Variants in GALK2 observed in about 807,000 individuals in gnomAD.
The protein encoded by GALK2 is N-acetylgalactosamine kinase.
A neutral mutation model predicts 52.4 loss-of-function variants in GALK2; 36 were observed. The observed-to-expected ratio is 0.69, with a 90% CI of 0.53 to 0.91. The LOEUF (loss-of-function observed/expected upper bound fraction) is 0.91. GALK2 is among the 40% of genes least tolerant of loss of function. The pLI, the probability that GALK2 is intolerant of heterozygous loss-of-function variation, is 0.00. For missense variants in GALK2, 579 were observed against 559.1 expected (o/e 1.04, Z -0.36); for synonymous variants, 176 against 199.1 (o/e 0.88, Z 0.98).
At chr15:49,362,419 T>C (rs1432336672) in intron 3 of GALK2, among the ~76,000 whole-genome samples, 1 of 152,216 alleles carries the variant, frequency 6.6e-6, no homozygotes, top group Non-Finnish European at 1.5e-5. Flanking sequence ...CCTGCAGAAC[T>C]GTGAGTCAGT....
Position 49,249,945 on chromosome 15 carries a change from CTT to C in GALK2, c.504+10581_504+10582del, listed in dbSNP as rs201253373. Reference sequence around the variant, plus strand: ...CCTTTGTTCTCGTCTGCCCGTGCCTCTTTTAAAAAGTTCTAAGTTGCTAGCCA... The same window carrying C: ...CCTTTGTTCTCGTCTGCCCGTGCCTCTTAAAAAGTTCTAAGTTGCTAGCCA... On this transcript the variant is annotated intron_variant, in intron 5 of 9. Transcript: ENST00000560031. Among the ~76,000 whole-genome samples the C allele has an allele frequency of 6.4e-3, 970 of 152,246 alleles. 17 individuals are homozygous for C. The highest frequency in any genetic ancestry group is 0.022 in the African/African-American group (933 of 41,548).
chr15:49,211,202 A>G (rs1254830921), intron 2 of GALK2, among the ~76,000 whole-genome samples: 2 of 152,100 alleles, frequency 1.3e-5, no homozygotes, highest in African/African-American at 4.8e-5. Context: ...CATCACTCTC[A>G]AGTTCAAAGT....
chr15:49,263,761 C>CTT (rs1489029166), intron 5 of GALK2, among the ~76,000 whole-genome samples: 1,386 of 121,780 alleles, frequency 0.011, 144 homozygotes, highest in Non-Finnish European at 0.017. Flanking sequence ...GTAAGGCAGG[C>CTT]CTGTTGGTGA....
At chr15:49,262,597 T>G (rs1188827820) in intron 5 of GALK2, among the ~76,000 whole-genome samples, 1 of 152,134 alleles carries the variant, frequency 6.6e-6, no homozygotes, top group Non-Finnish European at 1.5e-5. Flanking sequence ...TAGTTATTTC[T>G]TGCCCTCTGC....
At chr15:49,169,404 A>G (rs1447372203), upstream of GALK2, among the ~76,000 whole-genome samples, 1 of 152,042 alleles carries the variant, frequency 6.6e-6, no homozygotes, top group Non-Finnish European at 1.5e-5. Context: ...CCCAATGATC[A>G]CTGTGACCTC....
intron 2 of GALK2, among the ~76,000 whole-genome samples, chr15:49,213,391 G>A (rs1409385200): frequency 2.6e-5 from 4 of 152,018 alleles, no homozygotes; most frequent in Admixed American, 6.6e-5. Flanking sequence ...AATGCAGAAT[G>A]TGTAGGTTTG....
exon 4 of GALK2, chr15:49,367,636 A>G: frequency 6.5e-7 from 1 of 1,529,126 alleles, no homozygotes; most frequent in Non-Finnish European, 8.7e-7. Context: ...TAATCAAGAC[A>G]ACGATTACTT....
Position 49,319,753 on chromosome 15 carries a change from G to T in GALK2, c.1117G>T (p.Asp373Tyr), listed in dbSNP as rs781098649. 6.2e-7 allele frequency: 1 copy of T among 1,614,150 alleles called. No individual in the cohort carries two copies. Among genetic ancestry groups the T allele is most frequent in the Non-Finnish European group, 8.5e-7 (1 of 1,180,026 alleles). ...GAACCAGAGCCACATGAGCTGCCGG[G>T]ACATGTATGAGTGCAGCTGCCCCGA... Reference protein sequence around the residue: ...LMNQSHMSCRDMYECSCPELD... With the variant: ...LMNQSHMSCRYMYECSCPELD... Residue 373 changes from aspartate (D) to tyrosine (Y), a missense_variant, in exon 9 of 10, where the codon GAC (aspartate) becomes TAC (tyrosine). Coordinates refer to ENST00000560031, the MANE Select transcript of GALK2 (RefSeq NM_002044.4).
At chr15:49,339,099 T>C (rs1333965427) in intron 3 of GALK2, among the ~76,000 whole-genome samples, 1 of 152,188 alleles carries the variant, frequency 6.6e-6, no homozygotes, top group African/African-American at 2.4e-5. Flanking sequence ...CGCAGGAGTT[T>C]GTTATTACCC....
chr15:49,329,664 A>G lies in GALK2; in HGVS notation c.*1505A>G. The stretch of plus-strand genomic sequence containing the variant: ...GAGAAAGCTTGAGTCAAATTTGTTA[A>G]AAGAATTTTGAGTTCTATAAATCCA... On this transcript the variant is annotated 3_prime_UTR_variant, in exon 10 of 10. Coordinates refer to ENST00000560031, the MANE Select transcript of GALK2 (RefSeq NM_002044.4). 1.0e-6 allele frequency: 1 copy of G among 984,120 alleles called. No individual in the cohort carries two copies. Among genetic ancestry groups the G allele is most frequent in the Non-Finnish European group, 1.2e-6 (1 of 828,756 alleles). The allele number at this position is 984,120 out of a possible 1,614,324, so 61.0% of individuals were successfully genotyped here.
chr15:49,359,124 C>G (rs2043722802), intron 3 of GALK2, among the ~76,000 whole-genome samples: 3 of 151,310 alleles, frequency 2.0e-5, no homozygotes, highest in Non-Finnish European at 4.4e-5. Context: ...AGACCTAAAA[C>G]CATAAAAACC....
chr15:49,169,051 C>T (rs577659), upstream of GALK2: 26,497 of 153,028 alleles, frequency 0.17, 3,015 homozygotes, highest in East Asian at 0.31. Context: ...CACTCTTTGG[C>T]TATGCTTTAT....
At chr15:49,291,675 G>T (rs2169932) in intron 7 of GALK2, among the ~76,000 whole-genome samples, 100,151 of 151,938 alleles carry the variant, frequency 0.66, 33,597 homozygotes, top group African/African-American at 0.74. Flanking sequence ...TACTTAACCC[G>T]CACTGTCAGA....
intron 8 of GALK2, chr15:49,318,245 G>C (rs2036580631): frequency 6.6e-6 from 1 of 152,056 alleles, no homozygotes; most frequent in Non-Finnish European, 1.5e-5. Context: ...TATAGACATA[G>C]CCATTGCAAT....
At chr15:49,350,814 CAA>C (rs1362673655) in intron 3 of GALK2, among the ~76,000 whole-genome samples, 9 of 152,028 alleles carry the variant, frequency 5.9e-5, no homozygotes, top group Admixed American at 5.9e-4. Flanking sequence ...ATATGCGAGC[CAA>C]AGACAAAGTG....
intron 1 of GALK2, among the ~76,000 whole-genome samples, chr15:49,179,386 A>G (rs1192174044): frequency 6.6e-6 from 1 of 152,190 alleles, no homozygotes; most frequent in African/African-American, 2.4e-5. Context: ...ATTAAAAATT[A>G]ACATTTTCTA....
chr15:49,202,234 A>G (rs1235075063), intron 2 of GALK2, among the ~76,000 whole-genome samples: 2 of 151,998 alleles, frequency 1.3e-5, no homozygotes, highest in Non-Finnish European at 2.9e-5. Flanking sequence ...CGAACTCCCA[A>G]TCTCAGGTGA....
chr15:49,274,981 T>A (rs76818147), intron 5 of GALK2, among the ~76,000 whole-genome samples: 1 of 152,122 alleles, frequency 6.6e-6, no homozygotes, highest in Non-Finnish European at 1.5e-5. Flanking sequence ...CTTTTTTTTT[T>A]AATAAGTAGA....
At chr15:49,366,480 A>C (rs1332249143) in intron 3 of GALK2, 2 of 1,118,950 alleles carry the variant, frequency 1.8e-6, no homozygotes, top group Non-Finnish European at 2.7e-6. Context: ...AGTGGTGCGG[A>C]AGTCAGATTC....
Sources: allele counts gnomAD v4.1 joint callset (sites outside exome capture counted in the v4.1 genomes callset), GRCh38; gene constraint gnomAD v4.1.1; transcripts MANE v1.5; gene names NCBI Gene and HGNC (gene_info 2026-07-23, HGNC 2026-07-21).